Variants in SNX2 observed in about 807,000 individuals in gnomAD.
The protein encoded by SNX2 is sorting nexin 2.
In SNX2, 25 loss-of-function variants were observed where a neutral mutation model predicts 69.9. That is an observed-to-expected ratio of 0.36 (90% CI 0.26 to 0.50). The LOEUF (loss-of-function observed/expected upper bound fraction) is 0.50. Ranked by LOEUF, SNX2 falls within the 20% of genes least tolerant of loss-of-function variation. The probability of loss-of-function intolerance (pLI) is 0.97; values close to 1 mark genes in which losing one functional copy is unlikely to be tolerated. For missense variants in SNX2, 551 were observed against 613.3 expected (o/e 0.90, Z 1.07); for synonymous variants, 229 against 200.4 (o/e 1.14, Z -1.20).
Position 122,823,097 on chromosome 5 carries a change from C to CA in SNX2, c.1213-2950dup, listed in dbSNP as rs1369197192. On this transcript the variant is annotated intron_variant, in intron 11 of 14. Transcript: ENST00000379516. The stretch of plus-strand genomic sequence containing the variant: ...TGTCTAACTGAGAGCAGCTTGCATA[C>CA]AAATGTATGCCATAAATTAGCAGAG... 9.2e-5 allele frequency among the ~76,000 whole-genome samples: 14 copies of CA among 152,238 alleles called. No homozygotes were observed. The South Asian group carries it at 2.7e-3, about 29-fold the overall frequency.
At chr5:122,775,359 G>A in intron 1 of SNX2, 148 bp downstream of exon 1, 1 of 1,377,368 alleles carries the variant, frequency 7.3e-7, no homozygotes, top group Non-Finnish European at 9.5e-7. Flanking sequence ...TCCGGTGCCT[G>A]TCAGAGGGAT....
intron 3 of SNX2, among the ~76,000 whole-genome samples, chr5:122,801,415 G>T (rs1034158333): frequency 1.3e-5 from 2 of 152,018 alleles, no homozygotes; most frequent in Non-Finnish European, 2.9e-5. Flanking sequence ...AACCAGCCTG[G>T]CCAACATGGT....
At chr5:122,807,885 A>G (rs1197285082) in intron 6 of SNX2, among the ~76,000 whole-genome samples, 1 of 152,202 alleles carries the variant, frequency 6.6e-6, no homozygotes, top group Non-Finnish European at 1.5e-5. Context: ...CTCATGAGAA[A>G]TGAAAATGTT....
intron 2 of SNX2, among the ~76,000 whole-genome samples, chr5:122,798,822 G>C (rs1210571095): frequency 4.6e-5 from 7 of 151,556 alleles, no homozygotes; most frequent in African/African-American, 1.7e-4. Context: ...CCTGATTTTT[G>C]TCTCCCAGCT....
At chr5:122,787,126 C>T (rs1470988364) in intron 1 of SNX2, among the ~76,000 whole-genome samples, 1 of 152,298 alleles carries the variant, frequency 6.6e-6, no homozygotes, top group East Asian at 1.9e-4. Context: ...CACTCCTTTC[C>T]ATCCACTAGA....
intron 12 of SNX2, chr5:122,826,744 C>A (rs979211869): frequency 1.3e-5 from 6 of 445,658 alleles, no homozygotes; most frequent in Non-Finnish European, 1.8e-5. Context: ...AATATCATTT[C>A]ATTGCTTAAA....
chr5:122,802,173 A>C, intron 5 of SNX2, 49 bp downstream of exon 5: 4 of 1,449,280 alleles, frequency 2.8e-6, no homozygotes, highest in Non-Finnish European at 3.9e-6. Flanking sequence ...CATTATGTGT[A>C]GTATGAGGAT....
intron 7 of SNX2, among the ~76,000 whole-genome samples, chr5:122,811,260 TC>T (rs1344832865): frequency 6.6e-6 from 1 of 152,156 alleles, no homozygotes; most frequent in Non-Finnish European, 1.5e-5. Context: ...ACCCAAGTAT[TC>T]CCCTGTGCCA....
intron 11 of SNX2, among the ~76,000 whole-genome samples, chr5:122,822,418 C>T (rs1009225899): frequency 3.9e-5 from 6 of 152,156 alleles, no homozygotes; most frequent in African/African-American, 1.4e-4. Flanking sequence ...CTCTTCATGT[C>T]CTTTGCCCAG....
chr5:122,803,736 A>T, intron 6 of SNX2, 123 bp downstream of exon 6: 1 of 674,066 alleles, frequency 1.5e-6, no homozygotes, highest in African/African-American at 1.8e-5. Flanking sequence ...ACATAACTGA[A>T]TTTAAGTATT....
At chr5:122,806,158 A>G (rs1753652191) in intron 6 of SNX2, among the ~76,000 whole-genome samples, 1 of 150,234 alleles carries the variant, frequency 6.7e-6, no homozygotes, top group Non-Finnish European at 1.5e-5. Flanking sequence ...ACACACACAC[A>G]CACACACACA....
intron 11 of SNX2, among the ~76,000 whole-genome samples, chr5:122,824,318 C>T (rs1480516262): frequency 6.6e-6 from 1 of 151,732 alleles, no homozygotes; most frequent in Non-Finnish European, 1.5e-5. Context: ...AATTCTTCTT[C>T]CATTGTGGCC....
At chr5:122,826,266 A>AT (rs3217227) in intron 12 of SNX2, 73 bp downstream of exon 12, 741,476 of 1,311,472 alleles carry the variant, frequency 0.57, 216,828 homozygotes, top group African/African-American at 0.7. Context: ...ATTTTTCATA[A>AT]TTTTTTGTAA....
intron 7 of SNX2, among the ~76,000 whole-genome samples, chr5:122,814,923 G>A (rs1197244423): frequency 6.6e-6 from 1 of 151,978 alleles, no homozygotes; most frequent in Non-Finnish European, 1.5e-5. Flanking sequence ...CTAATTTTTT[G>A]TATTTTTAGT....
chr5:122,802,069 CT>C lies in SNX2; in HGVS notation c.458-5del, dbSNP rs1355047438. 1 of 1,611,462 alleles carries C rather than the reference CT, an allele frequency of 6.2e-7. No individual in the cohort carries two copies. Among genetic ancestry groups the C allele is most frequent in the Non-Finnish European group, 8.5e-7 (1 of 1,177,868 alleles). On this transcript the variant is annotated splice_polypyrimidine_tract_variant and intron_variant, in intron 4 of 14. Transcript: ENST00000379516. ...ATGTGATTTTAATAGTAGTGTTTGACTTTTTTTGCAGGTGATGGCATGAATG... is the reference window on the plus strand; with the variant it reads ...ATGTGATTTTAATAGTAGTGTTTGACTTTTTTGCAGGTGATGGCATGAATG...
At chr5:122,823,352 AT>A (rs11367864) in intron 11 of SNX2, among the ~76,000 whole-genome samples, 98,916 of 151,850 alleles carry the variant, frequency 0.65, 33,096 homozygotes, top group African/African-American at 0.81. Context: ...TTTAAGATTA[AT>A]TTTTTTTTCC....
At chr5:122,787,529 A>G (rs1381842796) in intron 1 of SNX2, among the ~76,000 whole-genome samples, 2 of 152,076 alleles carry the variant, frequency 1.3e-5, no homozygotes, top group Non-Finnish European at 2.9e-5. Flanking sequence ...CCCCAAAAAA[A>G]AAAGAAAGAA....
chr5:122,798,177 AT>A (rs1306708668), intron 2 of SNX2, among the ~76,000 whole-genome samples: 1 of 151,386 alleles, frequency 6.6e-6, no homozygotes, highest in Non-Finnish European at 1.5e-5. Context: ...TTTTTACTTT[AT>A]CATATTACTC....
chr5:122,775,453 C>A lies in SNX2; in HGVS notation c.108+242C>A, dbSNP rs545682159. The A allele has an allele frequency of 1.8e-4, 216 of 1,202,202 alleles. 2 individuals carry two copies. In the South Asian group the frequency reaches 5.7e-3, roughly 32 times the overall value. The allele number at this position is 1,202,202 out of a possible 1,614,324, so 74.5% of individuals were successfully genotyped here. ...ACCTAATCCTCAGAGGGGCCAGAAC[C>A]GAACCGAGCATTGCAGCGGCGCTTT... is the stretch of plus-strand genomic sequence containing the variant. On this transcript the variant is annotated intron_variant, in intron 1 of 14. Coordinates refer to ENST00000379516, the MANE Select transcript of SNX2 (RefSeq NM_003100.4).
Sources: gnomAD v4.1 joint callset for allele counts (sites outside exome capture counted in the v4.1 genomes callset) on GRCh38, gnomAD v4.1.1 for gene constraint, MANE v1.5 for transcripts, NCBI Gene and HGNC (gene_info 2026-07-23, HGNC 2026-07-21) for gene names.